The following WDR7 variants were observed in gnomAD, a reference collection of about 807,000 sequenced individuals.
WDR7 encodes WD repeat domain 7.
In WDR7, 46 loss-of-function variants were observed where a neutral mutation model predicts 169.4. The ratio of observed to expected loss-of-function variants is 0.27; its 90% CI spans 0.21 to 0.35. The LOEUF (loss-of-function observed/expected upper bound fraction) is 0.35, where lower values mean the gene tolerates loss of function less well. WDR7 is among the 10% of genes least tolerant of loss of function. WDR7 has a pLI of 1.00. For synonymous variants in WDR7, 612 were observed against 666.8 expected (o/e 0.92, Z 1.27); for missense variants, 1,534 against 1,859.3 (o/e 0.83, Z 3.22).
At chr18:56,908,114 G>T (rs1040357793) in intron 21 of WDR7, among the ~76,000 whole-genome samples, 2 of 152,094 alleles carry the variant, frequency 1.3e-5, no homozygotes, top group African/African-American at 4.8e-5. Flanking sequence ...CTGATTTTAA[G>T]CTCATTTACT....
chr18:56,771,999 T>C (rs137952607), intron 16 of WDR7, among the ~76,000 whole-genome samples: 1,978 of 135,548 alleles, frequency 0.015, 21 homozygotes, highest in East Asian at 0.036. Flanking sequence ...TGGTTGAAGC[T>C]GCAGTGAGCT....
At chr18:56,977,674 A>T (rs2145820812) in intron 26 of WDR7, among the ~76,000 whole-genome samples, 1 of 152,370 alleles carries the variant, frequency 6.6e-6, no homozygotes, top group Middle Eastern at 3.4e-3. Flanking sequence ...ATGCAGAGAA[A>T]GGTATTAAAA....
chr18:56,851,507 G>C (rs2045640436), intron 20 of WDR7, among the ~76,000 whole-genome samples: 1 of 152,052 alleles, frequency 6.6e-6, no homozygotes, highest in South Asian at 2.1e-4. Context: ...TATCATACTT[G>C]TCTCTTTACT....
intron 23 of WDR7, 94 bp downstream of exon 23, chr18:56,935,999 A>C (rs551661906): frequency 1.7e-6 from 2 of 1,146,558 alleles, no homozygotes; most frequent in African/African-American, 1.6e-5. Flanking sequence ...TCCCCTTTAC[A>C]GTTTATTCTA....
At chr18:56,896,769 G>T (rs927340979) in intron 21 of WDR7, among the ~76,000 whole-genome samples, 1 of 151,906 alleles carries the variant, frequency 6.6e-6, no homozygotes. Flanking sequence ...AATGGGGAAA[G>T]ATTTCATAAA....
chr18:56,896,136 T>C lies in WDR7; in HGVS notation c.3526+15971T>C, dbSNP rs564593036. On this transcript the variant is annotated intron_variant, in intron 21 of 27. Transcript: ENST00000254442. ...CAAAGCATTAACCTAACAAAAAATATGTAAGACTTATAGAAAAAAATTTAA... is the reference window on the plus strand; with the variant it reads ...CAAAGCATTAACCTAACAAAAAATACGTAAGACTTATAGAAAAAAATTTAA... 1.5e-3 allele frequency among the ~76,000 whole-genome samples: 231 copies of C among 151,892 alleles called. 1 individual carries two copies. Among genetic ancestry groups the C allele is most frequent in the South Asian group, 4.8e-3 (23 of 4,820 alleles).
chr18:56,727,040 A>G (rs1274212481), intron 13 of WDR7, among the ~76,000 whole-genome samples: 2 of 152,076 alleles, frequency 1.3e-5, no homozygotes, highest in Non-Finnish European at 2.9e-5. Flanking sequence ...AGCTGCCTGT[A>G]CTCTAAGCTA....
At chr18:56,897,964 C>T in intron 21 of WDR7, among the ~76,000 whole-genome samples, 1 of 151,898 alleles carries the variant, frequency 6.6e-6, no homozygotes, top group Admixed American at 6.6e-5. Flanking sequence ...GGAGCAATGA[C>T]ACTCCAGTAG....
At chr18:56,944,508 T>G (rs546608452) in intron 25 of WDR7, among the ~76,000 whole-genome samples, 1 of 152,340 alleles carries the variant, frequency 6.6e-6, no homozygotes, top group East Asian at 1.9e-4. Context: ...CAAATTACAA[T>G]GTTAACTGAA....
chr18:56,727,825 A>T (rs185683787), intron 13 of WDR7, among the ~76,000 whole-genome samples: 7 of 152,286 alleles, frequency 4.6e-5, no homozygotes, highest in Non-Finnish European at 8.8e-5. Flanking sequence ...CCACCCCAGG[A>T]AGTTAATTAC....
intron 3 of WDR7, among the ~76,000 whole-genome samples, chr18:56,680,125 G>T (rs567130940): frequency 2.6e-5 from 4 of 152,274 alleles, no homozygotes; most frequent in African/African-American, 9.6e-5. Flanking sequence ...GGGAGGCTGG[G>T]ATGGGCGGAT....
intron 25 of WDR7, among the ~76,000 whole-genome samples, chr18:56,944,010 G>A (rs1186036889): frequency 9.0e-5 from 8 of 88,508 alleles, no homozygotes; most frequent in Non-Finnish European, 1.7e-4. Context: ...TTTTTTTTGA[G>A]ATGGAGTCTC....
chr18:56,707,845 CA>C (rs2025995031), intron 12 of WDR7, among the ~76,000 whole-genome samples: 1 of 152,074 alleles, frequency 6.6e-6, no homozygotes, highest in African/African-American at 2.4e-5. Flanking sequence ...CCTTTCAAAA[CA>C]AAGAGGTGCT....
intron 21 of WDR7, among the ~76,000 whole-genome samples, chr18:56,920,307 G>A (rs1363369167): frequency 6.6e-6 from 1 of 152,142 alleles, no homozygotes; most frequent in Admixed American, 6.6e-5. Context: ...ATGAGGTTAA[G>A]TGCCTCTGTT....
At chr18:56,784,035 T>C (rs2044357974) in intron 19 of WDR7, among the ~76,000 whole-genome samples, 1 of 152,212 alleles carries the variant, frequency 6.6e-6, no homozygotes, top group African/African-American at 2.4e-5. Context: ...CGTCAGGCTT[T>C]GCTAAGTATC....
At chr18:56,669,483 T>C (rs1376986124) in intron 1 of WDR7, among the ~76,000 whole-genome samples, 1 of 152,136 alleles carries the variant, frequency 6.6e-6, no homozygotes, top group Non-Finnish European at 1.5e-5. Flanking sequence ...AGTCTCTAAA[T>C]GTAACTTTAA....
At position 57,027,362 on chromosome 18, in the gene WDR7, CAG is replaced by C. The variant is rs575077936; in HGVS notation, c.*156_*157del. On this transcript the variant is annotated 3_prime_UTR_variant, in exon 28 of 28. Coordinates refer to ENST00000254442, the MANE Select transcript of WDR7 (RefSeq NM_015285.3). ...GGTCTTGTCACTTGTGCATGCTTCT[CAG>C]GGGCAGAACCCGCTCGTGCCATCTG... 8.7e-6 allele frequency: 8 copies of C among 916,494 alleles called. No homozygotes were observed. The highest frequency in any genetic ancestry group is 5.3e-5 in the East Asian group (2 of 37,694). 56.8% of individuals were successfully genotyped at this position (916,494 alleles called of 1,614,324 possible).
intron 13 of WDR7, among the ~76,000 whole-genome samples, chr18:56,724,159 GA>G (rs1348442297): frequency 4.9e-5 from 6 of 121,802 alleles, no homozygotes; most frequent in African/African-American, 1.9e-4. Flanking sequence ...TTCTTGATTT[GA>G]TTTTTTTTTT....
intron 1 of WDR7, among the ~76,000 whole-genome samples, chr18:56,661,824 A>T (rs764270941): frequency 1.3e-5 from 2 of 152,168 alleles, no homozygotes; most frequent in Non-Finnish European, 1.5e-5. Flanking sequence ...AGTCTTTATT[A>T]TCTGCTTCAG....
Sources: gnomAD v4.1 joint callset for allele counts (sites outside exome capture counted in the v4.1 genomes callset) on GRCh38, gnomAD v4.1.1 for gene constraint, MANE v1.5 for transcripts, NCBI Gene and HGNC (gene_info 2026-07-23, HGNC 2026-07-21) for gene names.